Variants in EP400 observed in about 807,000 individuals in gnomAD.
The protein encoded by EP400 is E1A binding protein p400.
In EP400, 105 loss-of-function variants were observed where a neutral mutation model predicts 354.1. That is an observed-to-expected ratio of 0.30 (90% CI 0.25 to 0.35). The LOEUF is 0.35. Among genes scored for constraint, EP400 ranks in the 10% least tolerant of loss-of-function variants. EP400 has a pLI of 1.00. For synonymous variants in EP400, 1,646 were observed against 1,716.9 expected (o/e 0.96, Z 1.02); for missense variants, 3,280 against 4,121.0 (o/e 0.80, Z 5.59).
chr12:132,072,503 T>G (rs1405686274), intron 51 of EP400, among the ~76,000 whole-genome samples: 1 of 152,250 alleles, frequency 6.6e-6, no homozygotes, highest in Admixed American at 6.5e-5. Context: ...AAAATAAATC[T>G]TCATTGTATT....
intron 12 of EP400, among the ~76,000 whole-genome samples, chr12:132,003,747 C>T (rs1187866637): frequency 6.6e-6 from 1 of 152,198 alleles, no homozygotes; most frequent in Non-Finnish European, 1.5e-5. Context: ...ATCATGGACA[C>T]ACCACCTGAA....
rs766797214 is a variant in EP400, at chr12:132,066,862, C to T, written c.8642C>T (p.Pro2881Leu). Residue 2881 changes from proline (P) to leucine (L), a missense_variant, in exon 49 of 53, where the codon CCG (proline) becomes CTG (leucine). By Grantham distance (98) the Pro-to-Leu change is moderately conservative (BLOSUM62 -3). Coordinates refer to ENST00000389561, the MANE Select transcript of EP400 (RefSeq NM_015409.5). The stretch of plus-strand genomic sequence containing the variant: ...GCCCAGGTGGCCTTGGCGAAGCCTC[C>T]GGTGGTGTCCGTCCCGGCAGCTGTG... ...QPAQVALAKP[P>L]VVSVPAAVVS... 6.2e-7 allele frequency: 1 copy of T among 1,614,034 alleles called. No individual in the cohort carries two copies. Among genetic ancestry groups the T allele is most frequent in the Non-Finnish European group, 8.5e-7 (1 of 1,179,980 alleles).
intron 24 of EP400, among the ~76,000 whole-genome samples, chr12:132,024,746 G>T (rs1349278005): frequency 7.3e-6 from 1 of 136,116 alleles, no homozygotes. Flanking sequence ...CTCGACAGCA[G>T]CCTCAGCGGC....
At position 132,020,041 on chromosome 12, in the gene EP400, G is replaced by A. The variant is rs755797642; in HGVS notation, c.4278-8G>A. 44 of 1,521,384 alleles carry A rather than the reference G, an allele frequency of 2.9e-5. No individual in the cohort carries two copies. The highest frequency in any genetic ancestry group is 3.9e-5 in the Non-Finnish European group (44 of 1,131,972). 94.2% of individuals were successfully genotyped at this position (1,521,384 alleles called of 1,614,324 possible). A position where few individuals can be genotyped will look rare whatever the true frequency, so the allele number is the denominator to read the frequency against. On this transcript the variant is annotated splice_region_variant and splice_polypyrimidine_tract_variant and intron_variant, in intron 21 of 52. Coordinates refer to ENST00000389561, the MANE Select transcript of EP400 (RefSeq NM_015409.5). ...TGTATCTTCTTGCCTGGACCAATGG[G>A]CATCTAGGTTGTTTCAGCCTGTGCA...
At position 132,075,796 on chromosome 12, in the gene EP400, C is replaced by T. The variant is rs985380408; in HGVS notation, c.9022-720C>T. The T allele has an allele frequency of 2.0e-5, 3 of 152,748 alleles. No homozygotes were observed. The highest frequency in any genetic ancestry group is 4.8e-5 in the African/African-American group (2 of 41,430). 9.5% of individuals were successfully genotyped at this position (152,748 alleles called of 1,614,324 possible). ...CAGGACCCAGCAAGAGACCAGGGTC[C>T]GTGAGGGCCTTGTGCAGGGAGGGCC... On this transcript the variant is annotated intron_variant, in intron 51 of 52. Transcript: ENST00000389561. The surrounding 1 kb of genome is among the most constrained non-coding windows in gnomAD (Gnocchi z 4.5).
chr12:131,992,197 A>G lies in EP400; in HGVS notation c.2704A>G (p.Arg902Gly). Residue 902 changes from arginine (R) to glycine (G), a missense_variant, in exon 11 of 53, where the codon AGA becomes GGA. Coordinates refer to ENST00000389561, the MANE Select transcript of EP400 (RefSeq NM_015409.5). Reference protein sequence around the residue: ...SLDSGMSGRKRKASISLTDDE... With the variant: ...SLDSGMSGRKGKASISLTDDE... ...GGATTCAGGAATGTCTGGAAGAAAA[A>G]GAAAAGCTAGCATATCTTTGACTGA... 1 of 1,609,900 alleles carries G rather than the reference A, an allele frequency of 6.2e-7. No individual in the cohort carries two copies.
At chr12:132,037,932 A>G (rs751801013) in intron 31 of EP400, 21 bp from the exon 32 acceptor site, 1 of 1,614,106 alleles carries the variant, frequency 6.2e-7, no homozygotes, top group Admixed American at 1.7e-5. Flanking sequence ...ACTGGGGAGT[A>G]ACACACATCT....
Position 131,990,660 on chromosome 12 carries a change from G to A in EP400, c.2575G>A (p.Glu859Lys). Reference sequence around the variant, plus strand: ...GGTTGTGGAAATAAAACTACGAGTAGAATTAGAAGAAAAAAGGAAGAAGGC... The same window carrying A: ...GGTTGTGGAAATAAAACTACGAGTAAAATTAGAAGAAAAAAGGAAGAAGGC... ...EQVVEIKLRV[E>K]LEEKRKKALN... Residue 859 changes from glutamate to lysine, a missense_variant, in exon 9 of 53, where the codon GAA (glutamate) becomes AAA (lysine). Around this residue, in one of 20 missense-constraint regions of EP400, gnomAD observed 800 missense variants for 840.0 expected, o/e 0.95. Transcript: ENST00000389561. The surrounding 1 kb of genome is among the most constrained non-coding windows in gnomAD (Gnocchi z 4.2). 6.2e-7 allele frequency: 1 copy of A among 1,612,146 alleles called. No homozygotes were observed. The highest frequency in any genetic ancestry group is 8.5e-7 in the Non-Finnish European group (1 of 1,178,902).
chr12:132,023,926 C>A lies in EP400; in HGVS notation c.4840C>A (p.Pro1614Thr), dbSNP rs754164464. The A allele has an allele frequency of 1.2e-6, 2 of 1,605,398 alleles. No individual in the cohort carries two copies. Among genetic ancestry groups the A allele is most frequent in the Non-Finnish European group, 1.7e-6 (2 of 1,176,176 alleles). ...SQLRQLTAGQ[P>T]LQLQGSVLQI... is the part of the protein sequence containing the mutation. ...GCTCCGGCAGCTCACAGCGGGCCAG[C>A]CGCTGCAGCTGCAAGGTAAGGATAA... is the stretch of plus-strand genomic sequence containing the variant. The change falls in exon 24 of 53, where the codon CCG becomes ACG. Residue 1614 changes from proline to threonine, a missense_variant. By Grantham distance (38) the Pro-to-Thr change is conservative. Around this residue, in one of 20 missense-constraint regions of EP400, gnomAD observed 25 missense variants for 51.2 expected, o/e 0.49. Coordinates refer to ENST00000389561, the MANE Select transcript of EP400 (RefSeq NM_015409.5).
At chr12:131,983,502 C>T (rs977709928) in intron 5 of EP400, among the ~76,000 whole-genome samples, 1 of 152,208 alleles carries the variant, frequency 6.6e-6, no homozygotes, top group Non-Finnish European at 1.5e-5. Flanking sequence ...GCCACAGCCT[C>T]GGTGCCAGCC....
At chr12:131,962,280 T>TC (rs1185855735) in intron 2 of EP400, among the ~76,000 whole-genome samples, 1 of 152,178 alleles carries the variant, frequency 6.6e-6, no homozygotes, top group Non-Finnish European at 1.5e-5. Context: ...CCAGTTTTTT[T>TC]CCCCTTGTAT....
At chr12:131,971,936 A>G (rs1037749847) in intron 2 of EP400, among the ~76,000 whole-genome samples, 1 of 152,132 alleles carries the variant, frequency 6.6e-6, no homozygotes, top group Admixed American at 6.6e-5. Context: ...GAAGTCTTAC[A>G]TATATTTTAT....
At position 131,996,295 on chromosome 12, in the gene EP400, C is replaced by CTTTTTTTTTT. The variant is rs575217796; in HGVS notation, c.2827+1346_2827+1355dup. Among the ~76,000 whole-genome samples the CTTTTTTTTTT allele has an allele frequency of 4.5e-3, 581 of 128,114 alleles. 17 individuals carry two copies. In the South Asian group the frequency reaches 0.054, roughly 12 times the overall value. The allele number at this position is 128,114 out of a possible 152,430, so 84.0% of individuals were successfully genotyped here. On this transcript the variant is annotated intron_variant, in intron 12 of 52. Transcript: ENST00000389561. ...AAGCTCCACATCTCAGGAAGGAACTCTTTTTTTTTTTTTTTTGAGATGGAG... is the reference window on the plus strand; with the variant it reads ...AAGCTCCACATCTCAGGAAGGAACTCTTTTTTTTTTTTTTTTTTTTTTTTTTGAGATGGAG...
At chr12:132,037,538 T>C (rs966704805) in intron 30 of EP400, 144 bp from the exon 31 acceptor site, 1 of 672,608 alleles carries the variant, frequency 1.5e-6, no homozygotes. Context: ...AGAGCGGCCT[T>C]TGGTGCCCCA....
At position 132,067,190 on chromosome 12, in the gene EP400, G is replaced by A; in HGVS notation, c.8750-172G>A. On this transcript the variant is annotated intron_variant, in intron 49 of 52. Transcript: ENST00000389561. The surrounding 1 kb of genome is among the most constrained non-coding windows in gnomAD (Gnocchi z 5.3). ...CTGAAATTTCCGTCTTAATTTAAGT[G>A]TAATTTGTGAACCCAGAAACATTTT... The A allele has an allele frequency of 8.4e-7, 1 of 1,194,806 alleles. No individual in the cohort carries two copies. Among genetic ancestry groups the A allele is most frequent in the Non-Finnish European group, 1.2e-6 (1 of 857,522 alleles). The allele number at this position is 1,194,806 out of a possible 1,614,324, so 74.0% of individuals were successfully genotyped here.
chr12:131,950,088 G>A (rs533398682), intron 1 of EP400, 52 bp downstream of exon 1: 2 of 151,968 alleles, frequency 1.3e-5, no homozygotes, highest in South Asian at 4.1e-4. Context: ...CGGGACGGCA[G>A]CGTCCAGGGT....
chr12:132,018,283 C>G lies in EP400; in HGVS notation c.4184C>G (p.Ser1395Cys). Residue 1395 changes from serine to cysteine, a missense_variant, in exon 21 of 53, where the codon TCT (serine) becomes TGT (cysteine). Ser to Cys is a moderately radical substitution (Grantham distance 112, BLOSUM62 -1). Transcript: ENST00000389561. The surrounding 1 kb of genome is among the most constrained non-coding windows in gnomAD (Gnocchi z 4.0). ...KITRHEAELLSKKKIPRKLME... is the reference protein window; with the variant it reads ...KITRHEAELLCKKKIPRKLME... ...ACTCGTCACGAGGCAGAGTTGCTGT[C>G]TAAGAAAAAGATACCGCGGAAACTC... 1.9e-6 allele frequency: 3 copies of G among 1,613,704 alleles called. No homozygotes were observed. The highest frequency in any genetic ancestry group is 2.5e-6 in the Non-Finnish European group (3 of 1,179,916).
At chr12:131,967,492 A>G (rs1170519316) in intron 2 of EP400, among the ~76,000 whole-genome samples, 5 of 152,090 alleles carry the variant, frequency 3.3e-5, no homozygotes, top group Non-Finnish European at 2.9e-5. Flanking sequence ...GTTCGAGACC[A>G]GCCTGACCAA....
Position 132,034,730 on chromosome 12 carries a change from G to A in EP400, c.5951+2581G>A, listed in dbSNP as rs1257670214. Among the ~76,000 whole-genome samples the A allele has an allele frequency of 3.9e-5, 6 of 152,228 alleles. No individual in the cohort carries two copies. In the East Asian group the frequency reaches 1.2e-3, roughly 29 times the overall value. On this transcript the variant is annotated intron_variant, in intron 30 of 52. Coordinates refer to ENST00000389561, the MANE Select transcript of EP400 (RefSeq NM_015409.5). Reference sequence around the variant, plus strand: ...ATGTGCCGCACACCTTGTGCTCCACGAGTGAGAGGAGGGGCTTGGAGTGCT... The same window carrying A: ...ATGTGCCGCACACCTTGTGCTCCACAAGTGAGAGGAGGGGCTTGGAGTGCT...
Sources: gnomAD v4.1 joint callset for allele counts (sites outside exome capture counted in the v4.1 genomes callset) on GRCh38, gnomAD v4.1.1 for gene constraint, gnomAD v4.1.1 regional missense constraint, Gnocchi (gnomAD v3.1) non-coding constraint, MANE v1.5 for transcripts, NCBI Gene and HGNC (gene_info 2026-07-23, HGNC 2026-07-21) for gene names.